Variants in PCDH7 observed in about 807,000 individuals in gnomAD.
PCDH7 encodes the protein protocadherin-7.
A neutral mutation model predicts 58.9 loss-of-function variants in PCDH7; 17 were observed. The observed-to-expected ratio is 0.29, with a 90% CI of 0.20 to 0.43. The LOEUF is 0.43. Ranked by LOEUF, PCDH7 falls within the 20% of genes least tolerant of loss-of-function variation. The pLI is 1.00. For synonymous variants in PCDH7, 664 were observed against 616.4 expected, an observed-to-expected ratio of 1.08 and a Z score of -1.14; for missense variants, 1,274 against 1,441.0, an observed-to-expected ratio of 0.88 and a Z score of 1.88.
chr4:31,037,067 T>A (rs888275860), intron 3 of PCDH7, among the ~76,000 whole-genome samples: 5 of 152,140 alleles, frequency 3.3e-5, no homozygotes, highest in Non-Finnish European at 7.3e-5. Context: ...CAATTCAAGA[T>A]GAGATTTGGG....
intron 1 of PCDH7, among the ~76,000 whole-genome samples, chr4:30,872,518 T>G (rs1414931560): frequency 6.6e-6 from 1 of 152,120 alleles, no homozygotes; most frequent in Non-Finnish European, 1.5e-5. Flanking sequence ...CATTATAACC[T>G]GGATGTGAAT....
At chr4:30,861,604 A>G (rs1734209408) in intron 1 of PCDH7, among the ~76,000 whole-genome samples, 1 of 152,192 alleles carries the variant, frequency 6.6e-6, no homozygotes, top group African/African-American at 2.4e-5. Flanking sequence ...TAAATTCAGT[A>G]TAGTTAAAGT....
rs1439831213 is a variant in PCDH7, at chr4:31,057,209, CTCT to C, written c.*8-85257_*8-85255del. Among the ~76,000 whole-genome samples the C allele has an allele frequency of 4.6e-5, 7 of 152,148 alleles. No individual in the cohort carries two copies. In the East Asian group the frequency reaches 5.8e-4, roughly 13 times the overall value. On this transcript the variant is annotated intron_variant, in intron 3 of 3. Coordinates refer to the PCDH7 transcript ENST00000509759. ...AAGCTTAGTCATATTATATTTTCCT[CTCT>C]TCTTCTACACCTAGCAGAAATTGAC...
intron 3 of PCDH7, among the ~76,000 whole-genome samples, chr4:30,959,907 T>A (rs1578417244): frequency 6.6e-6 from 1 of 152,058 alleles, no homozygotes; most frequent in African/African-American, 2.4e-5. Flanking sequence ...ACTTAATCAA[T>A]GAGTAAGCGT....
At chr4:30,743,035 A>G (rs866564016) in intron 1 of PCDH7, among the ~76,000 whole-genome samples, 6 of 152,198 alleles carry the variant, frequency 3.9e-5, no homozygotes, top group Non-Finnish European at 7.4e-5. Context: ...GTAAGACACT[A>G]TAAAAATCCA....
At chr4:31,103,686 C>G (rs911277294) in intron 3 of PCDH7, among the ~76,000 whole-genome samples, 15 of 152,250 alleles carry the variant, frequency 9.9e-5, no homozygotes, top group African/African-American at 3.6e-4. Flanking sequence ...CTGACTGTCA[C>G]CACTGTCTTC....
At chr4:30,789,304 A>G (rs1374459576) in intron 1 of PCDH7, among the ~76,000 whole-genome samples, 1 of 152,198 alleles carries the variant, frequency 6.6e-6, no homozygotes, top group Non-Finnish European at 1.5e-5. Flanking sequence ...TGATCAGCAC[A>G]TGAAGGTCTC....
chr4:30,812,337 T>C (rs1394025869), intron 1 of PCDH7, among the ~76,000 whole-genome samples: 2 of 152,196 alleles, frequency 1.3e-5, no homozygotes, highest in Admixed American at 1.3e-4. Context: ...TCCTTAAGTA[T>C]TTTGAAAGTA....
At chr4:30,886,989 G>T (rs1737894586) in intron 1 of PCDH7, among the ~76,000 whole-genome samples, 1 of 112,282 alleles carries the variant, frequency 8.9e-6, no homozygotes, top group Non-Finnish European at 1.8e-5. Flanking sequence ...GGGGGGTGGG[G>T]GGAGGGGGGA....
chr4:31,005,074 A>C (rs1184444901), intron 3 of PCDH7, among the ~76,000 whole-genome samples: 3 of 152,224 alleles, frequency 2.0e-5, no homozygotes, highest in Non-Finnish European at 2.9e-5. Context: ...CTTCCTTTTC[A>C]TAAAGTGTAG....
intron 3 of PCDH7, among the ~76,000 whole-genome samples, chr4:31,139,396 A>G (rs1560261704): frequency 1.3e-5 from 2 of 152,232 alleles, no homozygotes; most frequent in African/African-American, 4.8e-5. Flanking sequence ...ACAGTACTAA[A>G]GCATAAAATA....
intron 3 of PCDH7, among the ~76,000 whole-genome samples, chr4:30,972,588 A>G (rs866159351): frequency 1.3e-5 from 2 of 152,196 alleles, no homozygotes; most frequent in Non-Finnish European, 2.9e-5. Context: ...AATCAAGACT[A>G]TTATAATGCC....
chr4:30,728,067 A>C (rs929063127), intron 1 of PCDH7, among the ~76,000 whole-genome samples: 2 of 151,788 alleles, frequency 1.3e-5, no homozygotes, highest in Non-Finnish European at 3.0e-5. Context: ...CATTAACTTC[A>C]GTGACAGTTT....
intron 2 of PCDH7, among the ~76,000 whole-genome samples, chr4:30,921,489 ATATAT>A (rs1743185999): frequency 6.6e-6 from 1 of 152,154 alleles, no homozygotes; most frequent in African/African-American, 2.4e-5. Context: ...TTAGAATATA[ATATAT>A]TATAAAGGAC....
chr4:31,142,707 T>G (rs537462022), exon 4 of PCDH7: 1 of 1,367,722 alleles, frequency 7.3e-7, no homozygotes, highest in East Asian at 4.6e-5. Flanking sequence ...AACAAAAAGT[T>G]GACCTCATCC....
chr4:30,941,485 T>G (rs1166454908), intron 2 of PCDH7, among the ~76,000 whole-genome samples: 1 of 151,946 alleles, frequency 6.6e-6, no homozygotes, highest in Non-Finnish European at 1.5e-5. Context: ...TGTGGCTAAA[T>G]TGACTCAGAA....
chr4:30,873,646 T>C (rs72619195), intron 1 of PCDH7, among the ~76,000 whole-genome samples: 29,237 of 151,916 alleles, frequency 0.19, 3,532 homozygotes, highest in East Asian at 0.28. Flanking sequence ...CTGATATTCA[T>C]GGGGTCATGA....
At chr4:31,091,083 C>G (rs1560215808) in intron 3 of PCDH7, among the ~76,000 whole-genome samples, 1 of 151,936 alleles carries the variant, frequency 6.6e-6, no homozygotes, top group Non-Finnish European at 1.5e-5. Flanking sequence ...TTTAGACTTT[C>G]CTTCTCCAAA....
At chr4:31,082,923 A>G (rs957930779) in intron 3 of PCDH7, among the ~76,000 whole-genome samples, 12 of 152,290 alleles carry the variant, frequency 7.9e-5, no homozygotes, top group East Asian at 1.9e-4. Context: ...CCTGGCTAAC[A>G]TGGTGAAACC....
Sources: gnomAD v4.1 joint callset for allele counts (sites outside exome capture counted in the v4.1 genomes callset) on GRCh38, gnomAD v4.1.1 for gene constraint, MANE v1.5 for transcripts, NCBI Gene and HGNC (gene_info 2026-07-23, HGNC 2026-07-21) for gene names.